ME1: variants seen among roughly 807,000 people sequenced by gnomAD.
The protein encoded by ME1 is malic enzyme 1, also known as NADP-dependent malic enzyme.
Under a neutral mutation model 66.4 loss-of-function variants are expected in ME1, and 74 were observed. The ratio of observed to expected loss-of-function variants is 1.11; its 90% CI spans 0.92 to 1.35. The LOEUF is 1.35. Ranked by LOEUF, ME1 falls within the 40% of genes most tolerant of loss-of-function variation. ME1 has a pLI of 0.00. For missense variants in ME1, 750 were observed against 694.1 expected, an observed-to-expected ratio of 1.08 and a Z score of -0.90; for synonymous variants, 251 against 235.6, an observed-to-expected ratio of 1.07 and a Z score of -0.60.
chr6:83,428,395 T>C (rs1770413383), intron 1 of ME1, among the ~76,000 whole-genome samples: 1 of 152,164 alleles, frequency 6.6e-6, no homozygotes, highest in Non-Finnish European at 1.5e-5. Context: ...CTTTCATATA[T>C]ATATGTAGAA....
At chr6:83,381,735 T>C (rs1331079301) in intron 3 of ME1, among the ~76,000 whole-genome samples, 3 of 152,146 alleles carry the variant, frequency 2.0e-5, no homozygotes, top group African/African-American at 7.2e-5. Context: ...CAATTAAGAA[T>C]TGGAAAGGGA....
chr6:83,216,596 C>T lies in ME1; in HGVS notation c.1450G>A (p.Val484Ile). ...TTATCTGACACTTGCTGAGCTATAA[C>T]CTTATGAAAAAAAGAAAGAAAAAAA... ...TDNIFLTTAE[V>I]IAQQVSDKHL... Residue 484 changes from valine to isoleucine, a missense_variant and splice_region_variant, in exon 13 of 14, where the codon GTT (valine) becomes ATT (isoleucine). Physicochemically the swap from Val to Ile is conservative, Grantham distance 29. Transcript: ENST00000369705. 1 of 1,590,876 alleles carries T rather than the reference C, an allele frequency of 6.3e-7. No homozygotes were observed. Among genetic ancestry groups the T allele is most frequent in the South Asian group, 1.1e-5 (1 of 87,034 alleles).
Position 83,304,339 on chromosome 6 carries a change from C to T in ME1, c.704+10971G>A, listed in dbSNP as rs189280801. ...CTGAGCTGAGAGTCAGGCTCCAAAC[C>T]ATGGTAAATTAACTGAATTAAGAAA... On this transcript the variant is annotated intron_variant, in intron 6 of 13. Transcript: ENST00000369705. Among the ~76,000 whole-genome samples, 191 of 152,226 alleles carry T rather than the reference C, an allele frequency of 1.3e-3. 2 individuals carry two copies. The highest frequency in any genetic ancestry group is 1.3e-3 in the Non-Finnish European group (90 of 68,008).
At chr6:83,401,198 G>T (rs995226781) in intron 2 of ME1, among the ~76,000 whole-genome samples, 2 of 152,152 alleles carry the variant, frequency 1.3e-5, no homozygotes, top group African/African-American at 4.8e-5. Context: ...AGCCAGGCAT[G>T]GTGGAGCATG....
intron 3 of ME1, among the ~76,000 whole-genome samples, chr6:83,397,099 C>G (rs1231159122): frequency 6.6e-6 from 1 of 152,002 alleles, no homozygotes; most frequent in African/African-American, 2.4e-5. Flanking sequence ...AGATATGACC[C>G]CAGTGGCATA....
At chr6:83,348,455 T>C (rs1440985660) in intron 4 of ME1, among the ~76,000 whole-genome samples, 1 of 152,114 alleles carries the variant, frequency 6.6e-6, no homozygotes. Context: ...TAATGATATG[T>C]TTTATAAGGA....
intron 2 of ME1, among the ~76,000 whole-genome samples, chr6:83,400,022 C>T (rs1227370985): frequency 2.0e-5 from 3 of 152,214 alleles, no homozygotes; most frequent in Non-Finnish European, 4.4e-5. Flanking sequence ...AGATATTCCT[C>T]AGGGCTCAAT....
chr6:83,294,577 A>G (rs1006021378), intron 6 of ME1, among the ~76,000 whole-genome samples: 1 of 152,112 alleles, frequency 6.6e-6, no homozygotes, highest in Admixed American at 6.6e-5. Context: ...CAGCAGCTAA[A>G]CAATTCTTGG....
intron 3 of ME1, among the ~76,000 whole-genome samples, chr6:83,393,577 A>G (rs1195543999): frequency 6.8e-6 from 1 of 146,758 alleles, no homozygotes; most frequent in Admixed American, 7.1e-5. Context: ...CCACCTTTTC[A>G]TGTACCATCA....
intron 4 of ME1, among the ~76,000 whole-genome samples, chr6:83,350,564 C>T (rs1466116213): frequency 1.3e-5 from 2 of 152,094 alleles, no homozygotes; most frequent in African/African-American, 4.8e-5. Flanking sequence ...CTCCTGAGCT[C>T]AAGTGATCCT....
At chr6:83,305,035 T>C (rs886803712) in intron 6 of ME1, among the ~76,000 whole-genome samples, 2 of 152,198 alleles carry the variant, frequency 1.3e-5, no homozygotes, top group East Asian at 3.8e-4. Flanking sequence ...ATGGCTCTCC[T>C]TTCCATATAA....
chr6:83,250,975 T>G (rs1175266504), intron 7 of ME1, among the ~76,000 whole-genome samples: 1 of 152,242 alleles, frequency 6.6e-6, no homozygotes, highest in Non-Finnish European at 1.5e-5. Flanking sequence ...TTTGTTGCAA[T>G]AACTTTACAA....
intron 7 of ME1, among the ~76,000 whole-genome samples, chr6:83,240,899 G>A (rs1166177488): frequency 6.6e-6 from 1 of 152,064 alleles, no homozygotes; most frequent in African/African-American, 2.4e-5. Flanking sequence ...AGTCCCATAT[G>A]TGCCTTTTCT....
intron 6 of ME1, among the ~76,000 whole-genome samples, chr6:83,297,903 T>G (rs1247876729): frequency 6.6e-6 from 1 of 152,216 alleles, no homozygotes; most frequent in Non-Finnish European, 1.5e-5. Context: ...CATTCCTTTT[T>G]ATGGCTGCAT....
chr6:83,277,901 A>AAATAATAATAATAATAATAATAATAAT (rs3837004), intron 6 of ME1, among the ~76,000 whole-genome samples: 2,231 of 144,018 alleles, frequency 0.015, 24 homozygotes, highest in Non-Finnish European at 0.019. Flanking sequence ...CTGTATCTCA[A>AAATAATAATAATAATAATAATAATAAT]AATAATAATA....
rs567527331 is a variant in ME1 at position 83,309,923 on chromosome 6, A to G, written c.704+5387T>C. On this transcript the variant is annotated intron_variant, in intron 6 of 13. Coordinates refer to ENST00000369705, the MANE Select transcript of ME1 (RefSeq NM_002395.6). ...AGAAATTCTGTATGTTGGGCTTCAA[A>G]TTTTTCCTTTACCTATATTCTTATT... Among the ~76,000 whole-genome samples the G allele has an allele frequency of 5.9e-5, 9 of 152,146 alleles. No homozygotes were observed. In the South Asian group the frequency reaches 6.2e-4, roughly 11 times the overall value.
intron 3 of ME1, among the ~76,000 whole-genome samples, chr6:83,395,600 T>C (rs1292906196): frequency 3.3e-5 from 5 of 151,522 alleles, no homozygotes; most frequent in African/African-American, 1.2e-4. Context: ...CTCAGCCTCC[T>C]GAGTAGCTGG....
chr6:83,352,143 CAG>C lies in ME1; in HGVS notation c.363-6_363-5del. On this transcript the variant is annotated splice_region_variant and splice_polypyrimidine_tract_variant and intron_variant, in intron 3 of 13. Transcript: ENST00000369705. Reference sequence around the variant, plus strand: ...GTGGATAGTAATAAAGAGACCTCTGCAGAAAAAAAAAAAAAAAAAGGAGTAGT... The same window carrying C: ...GTGGATAGTAATAAAGAGACCTCTGCAAAAAAAAAAAAAAAAAGGAGTAGT... The C allele has an allele frequency of 8.9e-6, 9 of 1,009,684 alleles. No homozygotes were observed. The Admixed American group carries it at 1.3e-4, about 14-fold the overall frequency. The allele number at this position is 1,009,684 out of a possible 1,614,324, so 62.5% of individuals were successfully genotyped here. A position where few individuals can be genotyped will look rare whatever the true frequency, so the allele number is the denominator to read the frequency against.
chr6:83,380,398 A>G (rs1769374114), intron 3 of ME1, among the ~76,000 whole-genome samples: 1 of 152,094 alleles, frequency 6.6e-6, no homozygotes, highest in Admixed American at 6.6e-5. Context: ...GGAGAATGAC[A>G]TAATTAGATA....
Sources: gnomAD v4.1 joint callset for allele counts (sites outside exome capture counted in the v4.1 genomes callset) on GRCh38, gnomAD v4.1.1 for gene constraint, MANE v1.5 for transcripts, NCBI Gene and HGNC (gene_info 2026-07-23, HGNC 2026-07-21) for gene names.